The following TENM2 variants were observed in gnomAD, a reference collection of about 807,000 sequenced individuals.
TENM2 encodes teneurin-2.
TENM2 carries 52 observed loss-of-function variants against 245.2 expected under a neutral mutation model. The observed-to-expected ratio is 0.21, with a 90% CI of 0.17 to 0.27. TENM2 has a LOEUF of 0.27. Among genes scored for constraint, TENM2 ranks in the 10% least tolerant of loss-of-function variants. The pLI is 1.00. For synonymous variants in TENM2, 1,363 were observed against 1,438.9 expected (o/e 0.95, Z 1.19); for missense variants, 3,046 against 3,666.8 (o/e 0.83, Z 4.37).
intron 1 of TENM2, among the ~76,000 whole-genome samples, chr5:167,313,074 T>G (rs557997266): frequency 6.6e-6 from 1 of 152,206 alleles, no homozygotes; most frequent in East Asian, 1.9e-4. Flanking sequence ...GGCTAATTTT[T>G]GTACTTTTAG....
At chr5:168,071,216 T>A (rs907290700) in intron 7 of TENM2, among the ~76,000 whole-genome samples, 1 of 152,194 alleles carries the variant, frequency 6.6e-6, no homozygotes, top group Admixed American at 6.5e-5. Context: ...CAATATTGGA[T>A]GTAAATGAAA....
chr5:167,517,566 C>T (rs547034702), intron 2 of TENM2, among the ~76,000 whole-genome samples: 1 of 151,604 alleles, frequency 6.6e-6, no homozygotes, highest in Admixed American at 6.6e-5. Context: ...TTATTGTAAT[C>T]CAACAGCGTT....
intron 2 of TENM2, among the ~76,000 whole-genome samples, chr5:167,459,940 A>ACG: frequency 6.6e-6 from 1 of 151,928 alleles, no homozygotes; most frequent in South Asian, 2.1e-4. Context: ...ACACACGCAC[A>ACG]CACACACACA....
At chr5:167,986,189 G>C (rs1030838164) in intron 4 of TENM2, among the ~76,000 whole-genome samples, 2 of 152,182 alleles carry the variant, frequency 1.3e-5, no homozygotes, top group Non-Finnish European at 2.9e-5. Context: ...TTGCTGTCAC[G>C]TAAAGGATAC....
chr5:168,203,583 C>T, intron 17 of TENM2, 106 bp from the exon 20 acceptor site: 3 of 1,155,392 alleles, frequency 2.6e-6, no homozygotes, highest in Non-Finnish European at 3.6e-6. Flanking sequence ...GGAACAGAAT[C>T]TGTATTACTG....
At chr5:168,145,809 T>G (rs552045951) in intron 12 of TENM2, among the ~76,000 whole-genome samples, 2,411 of 150,190 alleles carry the variant, frequency 0.016, 55 homozygotes, top group African/African-American at 0.054. Context: ...TTCCTACCCA[T>G]GAGCATGGAA....
chr5:168,002,572 T>C (rs1356422082), intron 5 of TENM2, among the ~76,000 whole-genome samples: 2 of 152,232 alleles, frequency 1.3e-5, no homozygotes, highest in Non-Finnish European at 2.9e-5. Context: ...GTTTTAAGGC[T>C]GCCTTATGCA....
chr5:168,125,167 T>A lies in TENM2; in HGVS notation c.2209+117T>A, dbSNP rs1170094130. On this transcript the variant is annotated intron_variant, in intron 11 of 28. Transcript: ENST00000518659. ...TTAGCTGGGGATAAGGGGACTTTGA[T>A]GAATCACATTGTGTCTTTCTCATTC... 3 of 821,332 alleles carry A rather than the reference T, an allele frequency of 3.7e-6. No individual in the cohort carries two copies. In the Admixed American group the frequency reaches 7.4e-5, roughly 20 times the overall value. 50.9% of individuals were successfully genotyped at this position (821,332 alleles called of 1,614,324 possible). A position where few individuals can be genotyped will look rare whatever the true frequency, so the allele number is the denominator to read the frequency against.
At chr5:167,405,901 C>T (rs62388807) in intron 2 of TENM2, among the ~76,000 whole-genome samples, 56,557 of 151,838 alleles carry the variant, frequency 0.37, 12,941 homozygotes, top group Non-Finnish European at 0.49. Context: ...TTTGCCAGGT[C>T]ATCCAGGATT....
intron 9 of TENM2, among the ~76,000 whole-genome samples, chr5:168,114,464 C>G (rs998613944): frequency 2.6e-5 from 4 of 152,112 alleles, no homozygotes; most frequent in African/African-American, 7.2e-5. Flanking sequence ...CAGGAGGTTC[C>G]CCATTTCACA....
chr5:167,385,575 T>C (rs899011816), intron 2 of TENM2, among the ~76,000 whole-genome samples: 1 of 151,780 alleles, frequency 6.6e-6, no homozygotes, highest in African/African-American at 2.4e-5. Flanking sequence ...AGTTCTTTAG[T>C]GGTGATTGTG....
chr5:167,256,868 T>C, the TENM2 span, among the ~76,000 whole-genome samples: 1 of 152,132 alleles, frequency 6.6e-6, no homozygotes, highest in African/African-American at 2.4e-5. Flanking sequence ...GGGTAGCTAC[T>C]ACTTGGTGTG....
chr5:167,732,959 C>T (rs182485189), intron 2 of TENM2, among the ~76,000 whole-genome samples: 31 of 152,182 alleles, frequency 2.0e-4, no homozygotes, highest in Middle Eastern at 3.4e-3. Context: ...GGTGCAAGGT[C>T]GATAGAGAAA....
the TENM2 span, among the ~76,000 whole-genome samples, chr5:167,251,501 A>G: frequency 6.6e-6 from 1 of 152,284 alleles, no homozygotes; most frequent in South Asian, 2.1e-4. Flanking sequence ...AGGCAAGGGC[A>G]AGCAGTCATA....
intron 2 of TENM2, among the ~76,000 whole-genome samples, chr5:167,844,994 C>T (rs2151175247): frequency 6.6e-6 from 1 of 152,206 alleles, no homozygotes; most frequent in East Asian, 1.9e-4. Context: ...TGTTATCACC[C>T]AGGTACCTCT....
At chr5:167,515,486 C>G (rs1194212815) in intron 2 of TENM2, among the ~76,000 whole-genome samples, 1 of 151,060 alleles carries the variant, frequency 6.6e-6, no homozygotes, top group African/African-American at 2.4e-5. Context: ...CCAATGGGTT[C>G]CAATAGCCAG....
intron 2 of TENM2, among the ~76,000 whole-genome samples, chr5:167,599,597 G>A (rs904038795): frequency 1.6e-4 from 25 of 152,148 alleles, no homozygotes; most frequent in African/African-American, 5.6e-4. Flanking sequence ...ATCCCTCTGG[G>A]TAAGAGCCCT....
At chr5:168,196,586 C>T (rs760512973) in intron 15 of TENM2, among the ~76,000 whole-genome samples, 2 of 152,112 alleles carry the variant, frequency 1.3e-5, no homozygotes, top group Non-Finnish European at 2.9e-5. Context: ...CTCAGCCTCC[C>T]GAGTAGCTGG....
chr5:167,747,530 C>T (rs1016290607), intron 2 of TENM2, among the ~76,000 whole-genome samples: 3 of 152,182 alleles, frequency 2.0e-5, no homozygotes, highest in Non-Finnish European at 4.4e-5. Flanking sequence ...GTTGTAATAC[C>T]TCACGCTGAT....
Sources: allele counts gnomAD v4.1 joint callset (sites outside exome capture counted in the v4.1 genomes callset), GRCh38; gene constraint gnomAD v4.1.1; transcripts MANE v1.5; gene names NCBI Gene and HGNC (gene_info 2026-07-23, HGNC 2026-07-21).